Variants in SGCD observed in about 807,000 individuals in gnomAD.
The protein encoded by SGCD is sarcoglycan delta.
SGCD carries 18 observed loss-of-function variants against 36.6 expected under a neutral mutation model. That is an observed-to-expected ratio of 0.49 (90% CI 0.34 to 0.73). SGCD has a LOEUF of 0.73. SGCD is among the 30% of genes least tolerant of loss of function. The pLI, the probability that SGCD is intolerant of heterozygous loss-of-function variation, is 0.01. For missense variants in SGCD, 387 were observed against 346.7 expected, an observed-to-expected ratio of 1.12 and a Z score of -0.92; for synonymous variants, 133 against 130.6, an observed-to-expected ratio of 1.02 and a Z score of -0.12.
intron 3 of SGCD, among the ~76,000 whole-genome samples, chr5:156,364,186 T>TGG (rs1561646612): frequency 6.6e-6 from 1 of 152,200 alleles, no homozygotes; most frequent in South Asian, 2.1e-4. Context: ...AGCAGAAGTC[T>TGG]GGGGGAACCT....
intron 1 of SGCD, among the ~76,000 whole-genome samples, chr5:156,029,427 A>G (rs6862821): frequency 0.19 from 28,900 of 152,088 alleles, 3,451 homozygotes; most frequent in Admixed American, 0.35. Flanking sequence ...TTCATTCAAG[A>G]TATACTTGTG....
At chr5:156,600,111 A>G (rs1761130244) in intron 6 of SGCD, among the ~76,000 whole-genome samples, 1 of 152,190 alleles carries the variant, frequency 6.6e-6, no homozygotes, top group Non-Finnish European at 1.5e-5. Context: ...GATGAAACTA[A>G]GGTAGTTAGC....
At chr5:156,070,494 A>C (rs573708264) in intron 1 of SGCD, among the ~76,000 whole-genome samples, 1 of 141,270 alleles carries the variant, frequency 7.1e-6, no homozygotes, top group Non-Finnish European at 1.5e-5. Context: ...CTTGATCATG[A>C]CTGATAAGCT....
At chr5:156,239,520 C>A in intron 3 of SGCD, among the ~76,000 whole-genome samples, 1 of 151,500 alleles carries the variant, frequency 6.6e-6, no homozygotes, top group East Asian at 1.9e-4. Context: ...ACCAAATAAT[C>A]TGTCTCACAC....
chr5:156,517,816 T>C (rs534590421), intron 4 of SGCD, among the ~76,000 whole-genome samples: 29 of 152,280 alleles, frequency 1.9e-4, no homozygotes, highest in African/African-American at 4.1e-4. Flanking sequence ...CCACTAGGCC[T>C]GCCTTGCAAG....
At chr5:156,311,874 T>C (rs1460938123) in intron 3 of SGCD, among the ~76,000 whole-genome samples, 1 of 152,244 alleles carries the variant, frequency 6.6e-6, no homozygotes, top group Non-Finnish European at 1.5e-5. Flanking sequence ...TTTGCTGACA[T>C]CATGTTAGTT....
intron 3 of SGCD, among the ~76,000 whole-genome samples, chr5:156,158,670 G>A (rs1455464036): frequency 2.0e-5 from 3 of 151,608 alleles, no homozygotes; most frequent in Admixed American, 6.6e-5. Flanking sequence ...CAGCATGATA[G>A]AGAAGGCAAG....
intron 3 of SGCD, among the ~76,000 whole-genome samples, chr5:156,291,321 C>G (rs1446129065): frequency 1.3e-5 from 2 of 152,158 alleles, no homozygotes; most frequent in East Asian, 3.9e-4. Flanking sequence ...CTGTCTTGGT[C>G]ATTTTACATG....
chr5:156,527,990 T>A (rs2113081428), intron 4 of SGCD, among the ~76,000 whole-genome samples: 2 of 152,374 alleles, frequency 1.3e-5, no homozygotes, highest in East Asian at 3.9e-4. Flanking sequence ...TAGATTTATC[T>A]TGTTATATCA....
At chr5:156,604,321 G>A (rs550428856) in intron 6 of SGCD, among the ~76,000 whole-genome samples, 1 of 151,800 alleles carries the variant, frequency 6.6e-6, no homozygotes, top group Non-Finnish European at 1.5e-5. Context: ...ATATAATGGG[G>A]TCTTGTTCTT....
intron 3 of SGCD, among the ~76,000 whole-genome samples, chr5:156,373,694 C>G (rs542350280): frequency 1.3e-5 from 2 of 152,082 alleles, no homozygotes; most frequent in African/African-American, 4.8e-5. Flanking sequence ...AGAAAATGAA[C>G]GGATAGCAAT....
chr5:156,274,927 T>C (rs1185858636), intron 3 of SGCD, among the ~76,000 whole-genome samples: 1 of 152,146 alleles, frequency 6.6e-6, no homozygotes, highest in Non-Finnish European at 1.5e-5. Flanking sequence ...ATGGTAGGTT[T>C]GGTAAGGACT....
rs574880697 is a variant in SGCD, at chr5:156,240,558, T to G, written c.-43-88976T>G. 5.9e-3 allele frequency among the ~76,000 whole-genome samples: 893 copies of G among 152,324 alleles called. 5 individuals carry two copies. Among genetic ancestry groups the G allele is most frequent in the Middle Eastern group, 0.037 (11 of 294 alleles). On this transcript the variant is annotated intron_variant, in intron 3 of 9. Transcript: ENST00000517913. ...GCTTCTCAAAATGTGGTCTCCAGAC[T>G]GGCACCAAGCTGTACTGTTTGTTAC... is the stretch of plus-strand genomic sequence containing the variant.
intron 7 of SGCD, among the ~76,000 whole-genome samples, chr5:156,655,876 A>G (rs1763652891): frequency 6.6e-6 from 1 of 152,070 alleles, no homozygotes; most frequent in South Asian, 2.1e-4. Flanking sequence ...CAGGCTGTTC[A>G]TGATCTGAAA....
chr5:156,027,856 TC>T, intron 1 of SGCD, among the ~76,000 whole-genome samples: 1 of 152,188 alleles, frequency 6.6e-6, no homozygotes, highest in Non-Finnish European at 1.5e-5. Flanking sequence ...ACTGGCAAGT[TC>T]AGTTTCTGGT....
chr5:156,186,187 A>G (rs1282236407), intron 3 of SGCD, among the ~76,000 whole-genome samples: 3 of 152,038 alleles, frequency 2.0e-5, no homozygotes, highest in Admixed American at 6.6e-5. Context: ...TAAGGAGTGG[A>G]TTATAATCAA....
chr5:156,157,576 A>G (rs1171909141), intron 3 of SGCD, among the ~76,000 whole-genome samples: 2 of 151,856 alleles, frequency 1.3e-5, no homozygotes, highest in South Asian at 2.1e-4. Flanking sequence ...TCAAGGGGGG[A>G]AAATATTTTT....
intron 6 of SGCD, among the ~76,000 whole-genome samples, chr5:156,611,903 A>ATT (rs1388778624): frequency 1.3e-5 from 2 of 152,020 alleles, no homozygotes; most frequent in African/African-American, 4.8e-5. Context: ...CATTTATTGA[A>ATT]TTTTTCAACT....
At chr5:155,844,370 A>T in the SGCD span, among the ~76,000 whole-genome samples, 1 of 151,658 alleles carries the variant, frequency 6.6e-6, no homozygotes, top group African/African-American at 2.4e-5. Context: ...AAGAGTAAAA[A>T]CTAATCCAGA....
Sources: gnomAD v4.1 joint callset for allele counts (sites outside exome capture counted in the v4.1 genomes callset) on GRCh38, gnomAD v4.1.1 for gene constraint, MANE v1.5 for transcripts, NCBI Gene and HGNC (gene_info 2026-07-23, HGNC 2026-07-21) for gene names.